Variants in SYT1 observed in about 807,000 individuals in gnomAD.
The protein encoded by SYT1 is synaptotagmin-1.
A neutral mutation model predicts 44.8 loss-of-function variants in SYT1; 8 were observed. That is an observed-to-expected ratio of 0.18 (90% CI 0.10 to 0.32). SYT1 has a LOEUF of 0.32. Among genes scored for constraint, SYT1 ranks in the 10% least tolerant of loss-of-function variants. SYT1 has a pLI of 1.00. For synonymous variants in SYT1, 154 were observed against 188.8 expected (o/e 0.82, Z 1.51); for missense variants, 286 against 509.3 (o/e 0.56, Z 4.22).
At chr12:79,169,745 A>G (rs1871404507) in intron 3 of SYT1, among the ~76,000 whole-genome samples, 1 of 151,874 alleles carries the variant, frequency 6.6e-6, no homozygotes, top group South Asian at 2.1e-4. Context: ...TGTTTGTTTC[A>G]TAGGTAAACT....
chr12:79,027,671 T>TC (rs1184661677), intron 2 of SYT1, among the ~76,000 whole-genome samples: 5 of 151,422 alleles, frequency 3.3e-5, no homozygotes, highest in Non-Finnish European at 7.4e-5. Context: ...TTCATTTTTT[T>TC]CCCAAAGAAG....
chr12:79,125,880 C>T (rs1016208280), intron 3 of SYT1, among the ~76,000 whole-genome samples: 5 of 152,078 alleles, frequency 3.3e-5, no homozygotes, highest in African/African-American at 1.2e-4. Flanking sequence ...GTAAGTTCCC[C>T]GGCTCATCAA....
chr12:79,435,481 T>C (rs1458396336), intron 9 of SYT1, among the ~76,000 whole-genome samples: 1 of 152,092 alleles, frequency 6.6e-6, no homozygotes, highest in Non-Finnish European at 1.5e-5. Context: ...ACTTTTTATT[T>C]TCCTTACGTC....
chr12:79,114,374 A>G (rs529763717), intron 3 of SYT1, among the ~76,000 whole-genome samples: 1 of 152,254 alleles, frequency 6.6e-6, no homozygotes, highest in South Asian at 2.1e-4. Context: ...CATGTAGGAT[A>G]ATCTGGAGGC....
intron 3 of SYT1, among the ~76,000 whole-genome samples, chr12:79,157,525 T>C (rs1226036183): frequency 6.6e-6 from 1 of 152,140 alleles, no homozygotes; most frequent in Non-Finnish European, 1.5e-5. Context: ...CTGACAAAAA[T>C]AATGTACTCA....
At chr12:79,351,370 G>A (rs991717282) in intron 8 of SYT1, among the ~76,000 whole-genome samples, 1 of 152,106 alleles carries the variant, frequency 6.6e-6, no homozygotes, top group African/African-American at 2.4e-5. Flanking sequence ...CAATTGCAAT[G>A]CCCCTAAATT....
intron 2 of SYT1, among the ~76,000 whole-genome samples, chr12:79,002,103 T>A (rs965856300): frequency 1.4e-4 from 22 of 152,220 alleles, no homozygotes; most frequent in East Asian, 1.2e-3. Context: ...TAGGTCCCTT[T>A]TATAAAAAAG....
chr12:79,233,397 A>G (rs1306827488), intron 4 of SYT1, among the ~76,000 whole-genome samples: 1 of 152,216 alleles, frequency 6.6e-6, no homozygotes, highest in African/African-American at 2.4e-5. Context: ...CTTTTCCTCC[A>G]GTGGGTACTT....
chr12:78,924,449 T>C (rs1877186135), intron 1 of SYT1, among the ~76,000 whole-genome samples: 1 of 151,696 alleles, frequency 6.6e-6, no homozygotes, highest in Non-Finnish European at 1.5e-5. Flanking sequence ...CTTATGATGA[T>C]TGCTAAATAG....
intron 3 of SYT1, among the ~76,000 whole-genome samples, chr12:79,178,094 A>G (rs1204481768): frequency 6.6e-6 from 1 of 152,088 alleles, no homozygotes; most frequent in Non-Finnish European, 1.5e-5. Context: ...CCATTGCTGT[A>G]AAAGCATATT....
In SYT1 at chr12:78,908,986, C is replaced by T. The variant is rs112721773; in HGVS notation, c.-217+43877C>T. Among the ~76,000 whole-genome samples, 872 of 151,940 alleles carry T rather than the reference C, an allele frequency of 5.7e-3. 6 individuals carry two copies. The highest frequency in any genetic ancestry group is 0.02 in the African/African-American group (828 of 41,496). ...TTCAATCAACCAAAAGATTCCTAAT[C>T]CCTGCAGGACAAAGAGGGCATGGAA... On this transcript the variant is annotated intron_variant, in intron 1 of 10. Transcript: ENST00000261205.
chr12:79,425,183 CT>C (rs1428777889), intron 9 of SYT1, among the ~76,000 whole-genome samples: 1 of 151,940 alleles, frequency 6.6e-6, no homozygotes, highest in African/African-American at 2.4e-5. Context: ...TTTTTCTACT[CT>C]CATCCTTCCA....
intron 9 of SYT1, among the ~76,000 whole-genome samples, chr12:79,390,350 G>A (rs1045921799): frequency 2.0e-5 from 3 of 152,114 alleles, no homozygotes; most frequent in African/African-American, 7.2e-5. Context: ...GTCAAACGAC[G>A]TTAGTAATAT....
chr12:78,966,357 C>A (rs1879774824), intron 1 of SYT1, among the ~76,000 whole-genome samples: 1 of 151,752 alleles, frequency 6.6e-6, no homozygotes, highest in African/African-American at 2.4e-5. Flanking sequence ...AAGATTGGTA[C>A]CCTTATCATC....
At chr12:79,194,456 A>G (rs1403116639) in intron 3 of SYT1, among the ~76,000 whole-genome samples, 2 of 150,572 alleles carry the variant, frequency 1.3e-5, no homozygotes, top group East Asian at 3.9e-4. Context: ...TAATTTTGTT[A>G]TTATTATTAT....
intron 3 of SYT1, among the ~76,000 whole-genome samples, chr12:79,156,363 T>A (rs1332384436): frequency 6.6e-6 from 1 of 152,116 alleles, no homozygotes; most frequent in African/African-American, 2.4e-5. Context: ...TTTAAGGTTG[T>A]TTGCCTTCAG....
At chr12:78,900,809 A>G (rs576379218) in intron 1 of SYT1, among the ~76,000 whole-genome samples, 3 of 152,240 alleles carry the variant, frequency 2.0e-5, no homozygotes, top group Admixed American at 6.6e-5. Flanking sequence ...TATACTTTTT[A>G]TAGTTACATG....
chr12:79,087,102 G>A (rs374030008), intron 3 of SYT1, among the ~76,000 whole-genome samples: 1 of 152,022 alleles, frequency 6.6e-6, no homozygotes, highest in African/African-American at 2.4e-5. Flanking sequence ...ACACAATTCG[G>A]GCCTTTTCTA....
chr12:78,941,065 CTTT>C (rs398044555), intron 1 of SYT1, among the ~76,000 whole-genome samples: 96 of 68,466 alleles, frequency 1.4e-3, no homozygotes, highest in African/African-American at 4.7e-3. Context: ...CTTTTTTTTT[CTTT>C]TTTTTTTTTT....
Sources: allele counts gnomAD v4.1 joint callset (sites outside exome capture counted in the v4.1 genomes callset), GRCh38; gene constraint gnomAD v4.1.1; transcripts MANE v1.5; gene names NCBI Gene and HGNC (gene_info 2026-07-23, HGNC 2026-07-21).